ROBO2: variants seen among roughly 807,000 people sequenced by gnomAD.
The protein encoded by ROBO2 is roundabout guidance receptor 2.
A neutral mutation model predicts 160.8 loss-of-function variants in ROBO2; 53 were observed. That is an observed-to-expected ratio of 0.33 (90% CI 0.26 to 0.41). ROBO2 has a LOEUF of 0.41. ROBO2 is among the 10% of genes least tolerant of loss of function. ROBO2 has a pLI of 1.00. For missense variants in ROBO2, 1,577 were observed against 1,722.4 expected (o/e 0.92, Z 1.49); for synonymous variants, 664 against 611.7 (o/e 1.09, Z -1.26).
intron 2 of ROBO2, among the ~76,000 whole-genome samples, chr3:76,448,171 A>G (rs1268848197): frequency 7.2e-5 from 11 of 152,128 alleles, no homozygotes. Context: ...GTTTTGAAAG[A>G]GTCTTTCAAG....
intron 2 of ROBO2, among the ~76,000 whole-genome samples, chr3:77,217,081 A>G (rs999466624): frequency 6.6e-6 from 1 of 151,702 alleles, no homozygotes; most frequent in Non-Finnish European, 1.5e-5. Context: ...AAGGCCCTTA[A>G]TCTTTCTTTC....
chr3:77,017,706 TAAATC>T, intron 2 of ROBO2, among the ~76,000 whole-genome samples: 1 of 152,196 alleles, frequency 6.6e-6, no homozygotes, highest in Non-Finnish European at 1.5e-5. Flanking sequence ...AGTTTATTGT[TAAATC>T]AATGCTGACT....
rs1431540817 is a variant in ROBO2, at chr3:76,678,234, G to A, written c.110-419780G>A. The stretch of plus-strand genomic sequence containing the variant: ...GATCTGACCGCCTCGACTTCCCAAA[G>A]TACTGGGGTTACAGATGTGAGCCAA... On this transcript the variant is annotated intron_variant, in intron 2 of 26. Transcript: ENST00000487694. 2.0e-5 allele frequency among the ~76,000 whole-genome samples: 3 copies of A among 152,142 alleles called. No homozygotes were observed. The East Asian group carries it at 5.8e-4, about 29-fold the overall frequency.
At chr3:76,055,014 A>T (rs891104483) in intron 2 of ROBO2, among the ~76,000 whole-genome samples, 3 of 152,198 alleles carry the variant, frequency 2.0e-5, no homozygotes, top group Non-Finnish European at 4.4e-5. Flanking sequence ...GTCATTTATC[A>T]AGGAAAGAGG....
At chr3:76,182,030 T>C (rs1484504867) in intron 2 of ROBO2, among the ~76,000 whole-genome samples, 1 of 152,138 alleles carries the variant, frequency 6.6e-6, no homozygotes, top group Non-Finnish European at 1.5e-5. Context: ...TTGAGTTCAG[T>C]GTATGAGAAC....
At chr3:76,998,464 T>C (rs1402856122) in intron 2 of ROBO2, among the ~76,000 whole-genome samples, 1 of 152,168 alleles carries the variant, frequency 6.6e-6, no homozygotes, top group Non-Finnish European at 1.5e-5. Context: ...ACATACTTTA[T>C]AGAATTTCAA....
At chr3:77,173,795 G>T (rs534145625) in intron 2 of ROBO2, among the ~76,000 whole-genome samples, 1 of 152,050 alleles carries the variant, frequency 6.6e-6, no homozygotes, top group South Asian at 2.1e-4. Context: ...GGATTAAAAG[G>T]CTCAGTGGTT....
At chr3:77,427,701 G>C (rs2153538465) in intron 2 of ROBO2, among the ~76,000 whole-genome samples, 1 of 152,286 alleles carries the variant, frequency 6.6e-6, no homozygotes, top group African/African-American at 2.4e-5. Context: ...CCAAGTGCAA[G>C]GCTTGCAGTT....
chr3:76,158,796 A>G (rs2072510145), intron 2 of ROBO2, among the ~76,000 whole-genome samples: 1 of 152,160 alleles, frequency 6.6e-6, no homozygotes, highest in Non-Finnish European at 1.5e-5. Context: ...TTTTCCTGAT[A>G]AGGCTAATTT....
chr3:77,007,842 T>G (rs2149447183), intron 2 of ROBO2, among the ~76,000 whole-genome samples: 1 of 152,198 alleles, frequency 6.6e-6, no homozygotes, highest in Non-Finnish European at 1.5e-5. Flanking sequence ...AAAAATAATT[T>G]TAATTAAAAT....
chr3:76,731,643 G>A (rs547658795), intron 2 of ROBO2, among the ~76,000 whole-genome samples: 6 of 152,216 alleles, frequency 3.9e-5, no homozygotes, highest in African/African-American at 1.4e-4. Flanking sequence ...TGCTTTTTAT[G>A]AGGCTAATAA....
At chr3:76,138,225 A>G (rs950582798) in intron 2 of ROBO2, among the ~76,000 whole-genome samples, 2 of 152,006 alleles carry the variant, frequency 1.3e-5, no homozygotes, top group African/African-American at 2.4e-5. Flanking sequence ...GACAAATAGT[A>G]ATAGAGAAAA....
At chr3:77,295,725 A>G (rs1208523340) in intron 2 of ROBO2, among the ~76,000 whole-genome samples, 1 of 151,686 alleles carries the variant, frequency 6.6e-6, no homozygotes, top group Non-Finnish European at 1.5e-5. Context: ...ATAAAGTGAA[A>G]TTGACGGTTA....
At chr3:76,753,307 A>T (rs186302882) in intron 2 of ROBO2, among the ~76,000 whole-genome samples, 7 of 152,002 alleles carry the variant, frequency 4.6e-5, no homozygotes, top group Admixed American at 3.3e-4. Flanking sequence ...TTTTAAATCA[A>T]TTTTTGTTGA....
intron 2 of ROBO2, among the ~76,000 whole-genome samples, chr3:76,043,319 C>T (rs1416372123): frequency 6.6e-6 from 1 of 151,772 alleles, no homozygotes; most frequent in Non-Finnish European, 1.5e-5. Flanking sequence ...AAGGGGTCTT[C>T]TTGAGCCTAA....
At chr3:76,656,616 C>CTTTGTTTTGT (rs368810711) in intron 2 of ROBO2, among the ~76,000 whole-genome samples, 2 of 151,722 alleles carry the variant, frequency 1.3e-5, no homozygotes, top group Admixed American at 6.6e-5. Flanking sequence ...GGTTCATTAC[C>CTTTGTTTTGT]TTTGTTTTGT....
At chr3:76,573,886 C>T (rs1243708595) in intron 2 of ROBO2, among the ~76,000 whole-genome samples, 1 of 152,058 alleles carries the variant, frequency 6.6e-6, no homozygotes, top group African/African-American at 2.4e-5. Context: ...ATTATCCCAA[C>T]CATCCTCCTT....
intron 17 of ROBO2, among the ~76,000 whole-genome samples, chr3:77,592,818 C>A (rs2094211543): frequency 6.6e-6 from 1 of 152,194 alleles, no homozygotes; most frequent in African/African-American, 2.4e-5. Flanking sequence ...TCCCAAAGTG[C>A]TGGGATTACA....
chr3:76,037,150 G>A (rs1351685033), intron 2 of ROBO2, among the ~76,000 whole-genome samples: 1 of 151,578 alleles, frequency 6.6e-6, no homozygotes, highest in African/African-American at 2.4e-5. Flanking sequence ...AAATAATTCA[G>A]AATTATTTAC....
Sources: allele counts gnomAD v4.1 joint callset (sites outside exome capture counted in the v4.1 genomes callset), GRCh38; gene constraint gnomAD v4.1.1; transcripts MANE v1.5; gene names NCBI Gene and HGNC (gene_info 2026-07-23, HGNC 2026-07-21).